Variants in FARS2 observed in about 807,000 individuals in gnomAD.
The protein encoded by FARS2 is phenylalanyl-tRNA synthetase 2, mitochondrial, also known as phenylalanine--tRNA ligase, mitochondrial.
Under a neutral mutation model 46.4 loss-of-function variants are expected in FARS2, and 40 were observed. The observed-to-expected ratio is 0.86, with a 90% CI of 0.67 to 1.12. The LOEUF (loss-of-function observed/expected upper bound fraction) is 1.12. Ranked by LOEUF, FARS2 falls within the 50% of genes most tolerant of loss-of-function variation. FARS2 has a pLI of 0.00. For synonymous variants in FARS2, 234 were observed against 214.9 expected, an observed-to-expected ratio of 1.09 and a Z score of -0.78; for missense variants, 513 against 567.9, an observed-to-expected ratio of 0.90 and a Z score of 0.98.
chr6:5,763,035 G>A (rs892979976), intron 6 of FARS2, among the ~76,000 whole-genome samples: 1 of 152,142 alleles, frequency 6.6e-6, no homozygotes, highest in African/African-American at 2.4e-5. Context: ...AGATGGAGGG[G>A]GCGAAGAAGT....
intron 4 of FARS2, among the ~76,000 whole-genome samples, chr6:5,482,819 T>G (rs984634766): frequency 3.3e-5 from 5 of 152,116 alleles, no homozygotes; most frequent in Non-Finnish European, 7.4e-5. Context: ...AAGTTCAGAG[T>G]CAGCACTTTC....
chr6:5,352,164 G>A (rs1757619431), intron 1 of FARS2, among the ~76,000 whole-genome samples: 1 of 148,056 alleles, frequency 6.8e-6, no homozygotes, highest in African/African-American at 2.5e-5. Flanking sequence ...TAGTTCATCT[G>A]CTATCATTAG....
chr6:5,299,691 C>G (rs147131766), intron 1 of FARS2, among the ~76,000 whole-genome samples: 3 of 151,240 alleles, frequency 2.0e-5, no homozygotes, highest in African/African-American at 7.3e-5. Flanking sequence ...CCCAGCCCCC[C>G]ACCCTCCAAG....
chr6:5,420,043 A>G (rs958822350), intron 3 of FARS2, among the ~76,000 whole-genome samples: 1 of 152,208 alleles, frequency 6.6e-6, no homozygotes, highest in African/African-American at 2.4e-5. Context: ...AGGCCTTACA[A>G]TCGTGGCAGA....
chr6:5,296,282 C>T (rs541955090), intron 1 of FARS2, among the ~76,000 whole-genome samples: 1 of 151,850 alleles, frequency 6.6e-6, no homozygotes, highest in African/African-American at 2.4e-5. Context: ...GCTGGGACTG[C>T]AGGTGCCCAT....
chr6:5,362,594 CA>C (rs1362444484), intron 1 of FARS2, among the ~76,000 whole-genome samples: 1 of 152,166 alleles, frequency 6.6e-6, no homozygotes, highest in Non-Finnish European at 1.5e-5. Context: ...GTTATATACA[CA>C]GAAGTGGGAT....
At chr6:5,663,365 C>T (rs11243027) in intron 6 of FARS2, among the ~76,000 whole-genome samples, 45,017 of 152,078 alleles carry the variant, frequency 0.3, 7,661 homozygotes, top group East Asian at 0.38. Context: ...CAAAAAAATT[C>T]TTCCCAATAT....
At chr6:5,532,783 T>TAATAAG (rs894517533) in intron 4 of FARS2, among the ~76,000 whole-genome samples, 22 of 138,750 alleles carry the variant, frequency 1.6e-4, no homozygotes, top group East Asian at 8.0e-4. Flanking sequence ...ATAATAATAA[T>TAATAAG]AAGAAGAAGA....
chr6:5,769,569 C>A (rs1031281542), intron 6 of FARS2, among the ~76,000 whole-genome samples: 1 of 152,202 alleles, frequency 6.6e-6, no homozygotes, highest in East Asian at 1.9e-4. Flanking sequence ...AGGGTCCCCA[C>A]CCCAGAGGAA....
chr6:5,357,271 A>G (rs1357748921), intron 1 of FARS2, among the ~76,000 whole-genome samples: 1 of 152,200 alleles, frequency 6.6e-6, no homozygotes, highest in Non-Finnish European at 1.5e-5. Context: ...TTTCTTAGCT[A>G]AACAGTGATT....
chr6:5,620,000 A>T (rs552032352), intron 6 of FARS2, among the ~76,000 whole-genome samples: 90 of 152,234 alleles, frequency 5.9e-4, no homozygotes, highest in African/African-American at 1.8e-3. Context: ...ATATGTGCGC[A>T]TCAGACGAGT....
chr6:5,711,388 A>C (rs1298709686), intron 6 of FARS2, among the ~76,000 whole-genome samples: 6 of 152,120 alleles, frequency 3.9e-5, no homozygotes, highest in Admixed American at 1.3e-4. Context: ...GTGGAACATA[A>C]CTCCCCACGC....
intron 5 of FARS2, among the ~76,000 whole-genome samples, chr6:5,602,483 C>A (rs1774578528): frequency 6.6e-6 from 1 of 151,816 alleles, no homozygotes; most frequent in African/African-American, 2.4e-5. Context: ...CCCATCTCTA[C>A]TAAAAATAGA....
At chr6:5,465,497 C>T (rs1411109511) in intron 4 of FARS2, among the ~76,000 whole-genome samples, 1 of 152,198 alleles carries the variant, frequency 6.6e-6, no homozygotes, top group Non-Finnish European at 1.5e-5. Context: ...TAGACCAGCT[C>T]AGCACCTTGC....
At chr6:5,747,235 A>G (rs1283818939) in intron 6 of FARS2, among the ~76,000 whole-genome samples, 1 of 152,228 alleles carries the variant, frequency 6.6e-6, no homozygotes, top group Non-Finnish European at 1.5e-5. Flanking sequence ...TAGCCACTGA[A>G]AGGATGGCCT....
chr6:5,648,613 T>G (rs986891535), intron 6 of FARS2, among the ~76,000 whole-genome samples: 5 of 152,170 alleles, frequency 3.3e-5, no homozygotes, highest in African/African-American at 1.2e-4. Flanking sequence ...TTCACTTCCT[T>G]CTGATGCTTT....
At chr6:5,294,354 A>G (rs192298492) in intron 1 of FARS2, among the ~76,000 whole-genome samples, 5 of 151,852 alleles carry the variant, frequency 3.3e-5, no homozygotes, top group Non-Finnish European at 7.4e-5. Flanking sequence ...TGTAGGGGAA[A>G]CTCTCTAACT....
chr6:5,405,480 CTTTTTTT>C (rs398000284), intron 3 of FARS2, among the ~76,000 whole-genome samples: 17 of 58,956 alleles, frequency 2.9e-4, no homozygotes, highest in African/African-American at 8.4e-4. Context: ...GAGCAAGGTT[CTTTTTTT>C]TTTTTTTTTT....
At chr6:5,578,808 C>CAAAAAA (rs56248218) in intron 5 of FARS2, among the ~76,000 whole-genome samples, 5 of 124,354 alleles carry the variant, frequency 4.0e-5, no homozygotes, top group Admixed American at 8.3e-5. Context: ...CACTCCGTCT[C>CAAAAAA]AAAAAAAAAA....
Sources: gnomAD v4.1 joint callset for allele counts (sites outside exome capture counted in the v4.1 genomes callset) on GRCh38, gnomAD v4.1.1 for gene constraint, MANE v1.5 for transcripts, NCBI Gene and HGNC (gene_info 2026-07-23, HGNC 2026-07-21) for gene names.